The following TPTE variants were observed in gnomAD, a reference collection of about 807,000 sequenced individuals.
TPTE encodes transmembrane phosphatase with tensin homology.
A neutral mutation model predicts 84.1 loss-of-function variants in TPTE; 59 were observed. The ratio of observed to expected loss-of-function variants is 0.70; its 90% CI spans 0.57 to 0.87. TPTE has a LOEUF of 0.87. Among genes scored for constraint, TPTE ranks in the 40% least tolerant of loss-of-function variants. The pLI is 0.00. For synonymous variants in TPTE, 130 were observed against 223.5 expected, an observed-to-expected ratio of 0.58 and a Z score of 3.73; for missense variants, 382 against 659.6, an observed-to-expected ratio of 0.58 and a Z score of 4.61.
intron 14 of TPTE, among the ~76,000 whole-genome samples, chr21:10,572,006 A>G (rs1312825134): frequency 9.5e-5 from 1 of 10,516 alleles, no homozygotes; most frequent in African/African-American, 5.6e-4. Context: ...CCCTGTCTCA[A>G]AAAAAAAAAA....
At chr21:10,551,480 T>A (rs60530249) in intron 7 of TPTE, among the ~76,000 whole-genome samples, 1,084 of 151,834 alleles carry the variant, frequency 7.1e-3, no homozygotes, top group African/African-American at 0.025. Flanking sequence ...TCAAAAAAAC[T>A]AGAAAACTTT....
At chr21:10,537,976 AAAG>A (rs369430791) in intron 3 of TPTE, among the ~76,000 whole-genome samples, 2 of 152,302 alleles carry the variant, frequency 1.3e-5, no homozygotes, top group Non-Finnish European at 2.9e-5. Flanking sequence ...GACCACATAA[AAAG>A]AAGAATGATT....
rs781410866 is a variant in TPTE, at chr21:10,569,747, G to A, written c.730+1G>A. The A allele has an allele frequency of 5.6e-5, 91 of 1,613,696 alleles. No homozygotes were observed. Among genetic ancestry groups the A allele is most frequent in the Admixed American group, 1.5e-4 (9 of 59,986 alleles). On this transcript the variant is annotated splice_donor_variant, in intron 13 of 23. Coordinates refer to ENST00000618007, the MANE Select transcript of TPTE (RefSeq NM_199261.4). LOFTEE classifies it high-confidence loss of function. ...GACCTAGACCTCACTTACGTTACAG[G>A]TTTGTGACACTTAACCGTTGATTTA... is the stretch of plus-strand genomic sequence containing the variant.
intron 6 of TPTE, 38 bp downstream of exon 6, chr21:10,542,486 G>T (rs769057985): frequency 8.7e-6 from 14 of 1,605,698 alleles, no homozygotes; most frequent in African/African-American, 1.3e-5. Flanking sequence ...GTCAGCATAA[G>T]TGTGCATAGA....
Position 10,578,560 on chromosome 21 carries a change from C to T in TPTE, c.982C>T (p.Gln328Ter), listed in dbSNP as rs767577291. Residue 328 changes from glutamine (Q) to a stop codon, truncating the protein, a stop_gained, in exon 17 of 24, where the codon CAA becomes TAA. Coordinates refer to ENST00000618007, the MANE Select transcript of TPTE (RefSeq NM_199261.4). LOFTEE classifies it high-confidence loss of function. ...CAAGGAAGTAAATGAGTGGATGGCT[C>T]AAGATCTTGAAAACATCGTAGCGAT... is the stretch of plus-strand genomic sequence containing the variant. Reference protein sequence around the residue: ...FTKEVNEWMAQDLENIVAIHC... With the variant: ...FTKEVNEWMA The T allele has an allele frequency of 6.2e-7, 1 of 1,611,988 alleles. No homozygotes were observed. The highest frequency in any genetic ancestry group is 8.5e-7 in the Non-Finnish European group (1 of 1,179,822).
chr21:10,597,522 C>G (rs866071733), intron 20 of TPTE, among the ~76,000 whole-genome samples: 379 of 151,364 alleles, frequency 2.5e-3, no homozygotes, highest in African/African-American at 8.6e-3. Flanking sequence ...TCAAGCAATT[C>G]TCCTGTCTCA....
chr21:10,543,018 T>TATCATCC (rs1408890970), intron 6 of TPTE, among the ~76,000 whole-genome samples: 78 of 114,194 alleles, frequency 6.8e-4, no homozygotes, highest in African/African-American at 1.4e-3. Context: ...TGTATTCTTT[T>TATCATCC]TTTTTTTTTT....
At chr21:10,598,184 T>G in intron 21 of TPTE, 90 bp downstream of exon 21, 1 of 1,553,630 alleles carries the variant, frequency 6.4e-7, no homozygotes, top group South Asian at 1.1e-5. Context: ...AAACTATCAC[T>G]CACCATAAAG....
chr21:10,557,294 C>G (rs1453611936), intron 8 of TPTE, among the ~76,000 whole-genome samples: 1 of 152,310 alleles, frequency 6.6e-6, no homozygotes, highest in East Asian at 1.9e-4. Flanking sequence ...CCTGCAAACT[C>G]TGCACATAAC....
intron 8 of TPTE, among the ~76,000 whole-genome samples, chr21:10,554,351 A>G (rs2074637604): frequency 6.6e-6 from 1 of 152,312 alleles, no homozygotes; most frequent in African/African-American, 2.4e-5. Flanking sequence ...AATTCTCAGA[A>G]GTGGAAATTC....
At chr21:10,601,500 CA>C (rs568600238) in intron 21 of TPTE, among the ~76,000 whole-genome samples, 14 of 149,584 alleles carry the variant, frequency 9.4e-5, no homozygotes, top group Admixed American at 5.3e-4. Context: ...CTGTCTCAAA[CA>C]AAAAAAAAAG....
intron 2 of TPTE, among the ~76,000 whole-genome samples, chr21:10,524,962 C>T (rs1256081553): frequency 4.6e-5 from 7 of 152,310 alleles, no homozygotes; most frequent in East Asian, 3.8e-4. Context: ...ACAAACCAAG[C>T]CTCATTCTAT....
At chr21:10,556,428 C>A (rs1489606808) in intron 8 of TPTE, among the ~76,000 whole-genome samples, 11 of 152,308 alleles carry the variant, frequency 7.2e-5, no homozygotes, top group African/African-American at 2.4e-4. Context: ...ACATTTTCTT[C>A]ATCCAGTCTA....
intron 7 of TPTE, among the ~76,000 whole-genome samples, chr21:10,552,005 A>G (rs576431374): frequency 4.1e-4 from 62 of 152,404 alleles, no homozygotes; most frequent in African/African-American, 1.4e-3. Context: ...AGCAAACTTC[A>G]TTGTTGTCCT....
intron 10 of TPTE, among the ~76,000 whole-genome samples, chr21:10,563,845 G>A (rs1477655628): frequency 2.6e-5 from 4 of 152,304 alleles, no homozygotes; most frequent in African/African-American, 7.2e-5. Context: ...AAAAGATAGA[G>A]TGGATGAATG....
intron 7 of TPTE, among the ~76,000 whole-genome samples, chr21:10,544,717 CT>C (rs2074434134): frequency 6.6e-6 from 1 of 152,302 alleles, no homozygotes; most frequent in South Asian, 2.1e-4. Flanking sequence ...TTACTTAACC[CT>C]ATCTGAGGGG....
intron 1 of TPTE, among the ~76,000 whole-genome samples, chr21:10,524,191 C>G (rs1306471638): frequency 3.9e-5 from 6 of 152,306 alleles, no homozygotes; most frequent in Non-Finnish European, 8.8e-5. Flanking sequence ...CCATCCCATC[C>G]TCTGCCCTCT....
intron 1 of TPTE, among the ~76,000 whole-genome samples, chr21:10,522,815 C>G (rs1327028374): frequency 6.6e-6 from 1 of 152,302 alleles, no homozygotes; most frequent in Non-Finnish European, 1.5e-5. Context: ...GCATAATGAT[C>G]AAATCATGGT....
At chr21:10,557,452 G>C (rs1227559631) in intron 8 of TPTE, among the ~76,000 whole-genome samples, 2 of 152,310 alleles carry the variant, frequency 1.3e-5, no homozygotes, top group African/African-American at 4.8e-5. Flanking sequence ...TAATCTGTCA[G>C]ACTTGGTTCT....
Sources: allele counts gnomAD v4.1 joint callset (sites outside exome capture counted in the v4.1 genomes callset), GRCh38; gene constraint gnomAD v4.1.1; transcripts MANE v1.5; gene names NCBI Gene and HGNC (gene_info 2026-07-23, HGNC 2026-07-21).